Variants in OTUD7A observed in about 807,000 individuals in gnomAD.
The protein encoded by OTUD7A is OTU domain-containing protein 7A.
A neutral mutation model predicts 65.7 loss-of-function variants in OTUD7A; 12 were observed. That is an observed-to-expected ratio of 0.18 (90% CI 0.12 to 0.30). The LOEUF (loss-of-function observed/expected upper bound fraction) is 0.30. OTUD7A is among the 10% of genes least tolerant of loss of function. The pLI is 1.00. For synonymous variants in OTUD7A, 641 were observed against 586.3 expected (o/e 1.09, Z -1.35); for missense variants, 1,148 against 1,304.8 (o/e 0.88, Z 1.85).
chr15:31,730,509 C>T (rs545265973), intron 1 of OTUD7A, among the ~76,000 whole-genome samples: 1 of 152,330 alleles, frequency 6.6e-6, no homozygotes, highest in South Asian at 2.1e-4. Context: ...TGTCAACCTT[C>T]TGGCCAGCCT....
intron 1 of OTUD7A, among the ~76,000 whole-genome samples, chr15:31,859,039 A>G (rs1897651657): frequency 6.6e-6 from 1 of 152,260 alleles, no homozygotes; most frequent in South Asian, 2.1e-4. Flanking sequence ...AATCTACACA[A>G]AAGTATTTTG....
In OTUD7A at chr15:31,526,351, C is replaced by G. The variant is rs192591244; in HGVS notation, c.891G>C (p.Gly297=). 4.6e-5 allele frequency: 73 copies of G among 1,589,926 alleles called. No homozygotes were observed. Among genetic ancestry groups the G allele is most frequent in the Non-Finnish European group, 6.0e-5 (70 of 1,173,022 alleles). The part of the protein sequence containing the change: ...THFSKNGGTG[G]GVDNSEDPVY... The stretch of plus-strand genomic sequence containing the variant: ...GGGAGAGCAGGGGCAGCACTTACCC[C>G]CCGCCCGTGCCGCCATTCTTGCTGA... Residue 297 remains glycine, a splice_region_variant and synonymous_variant, in exon 8 of 13, where the codon GGG becomes GGC. Coordinates refer to ENST00000307050, the MANE Select transcript of OTUD7A (RefSeq NM_001382637.1).
intron 10 of OTUD7A, among the ~76,000 whole-genome samples, chr15:31,499,089 C>T (rs1295973708): frequency 6.6e-6 from 1 of 152,194 alleles, no homozygotes; most frequent in Non-Finnish European, 1.5e-5. Flanking sequence ...CCTCCAGGAG[C>T]TGGACACATG....
chr15:31,652,000 CAA>C (rs34951638), intron 3 of OTUD7A, among the ~76,000 whole-genome samples: 26,956 of 114,696 alleles, frequency 0.24, 2,478 homozygotes, highest in East Asian at 0.28. Flanking sequence ...CATAGAAAGG[CAA>C]AAAAAAAAAA....
At chr15:31,578,416 A>T (rs1460912833) in intron 3 of OTUD7A, among the ~76,000 whole-genome samples, 1 of 152,190 alleles carries the variant, frequency 6.6e-6, no homozygotes, top group South Asian at 2.1e-4. Context: ...TGGTCTCAAC[A>T]ACCTCTTTAT....
chr15:31,664,668 C>A (rs35012161), intron 1 of OTUD7A, among the ~76,000 whole-genome samples: 3,390 of 152,238 alleles, frequency 0.022, 66 homozygotes, highest in Non-Finnish European at 0.033. Context: ...TTAATTAAGT[C>A]CCAGCTATTT....
chr15:31,649,200 G>A (rs536446141), intron 3 of OTUD7A, among the ~76,000 whole-genome samples: 48 of 152,236 alleles, frequency 3.2e-4, no homozygotes, highest in African/African-American at 1.1e-3. Flanking sequence ...CCAGTTTTTG[G>A]CTTTGCTGTG....
At chr15:31,500,406 G>C (rs1463380805) in intron 10 of OTUD7A, among the ~76,000 whole-genome samples, 2 of 152,356 alleles carry the variant, frequency 1.3e-5, no homozygotes, top group Non-Finnish European at 2.9e-5. Flanking sequence ...CTGTGACTTG[G>C]GTTCTGCGGC....
chr15:31,489,075 T>A (rs2041281015), intron 10 of OTUD7A, among the ~76,000 whole-genome samples: 1 of 152,090 alleles, frequency 6.6e-6, no homozygotes, highest in African/African-American at 2.4e-5. Flanking sequence ...CAGGGACAGG[T>A]CTCCCTTGGG....
chr15:31,852,599 T>C (rs1164056653), intron 1 of OTUD7A, among the ~76,000 whole-genome samples: 4 of 152,208 alleles, frequency 2.6e-5, no homozygotes, highest in South Asian at 2.1e-4. Context: ...GCCTCCTCCA[T>C]ACAAAGGACC....
intron 1 of OTUD7A, among the ~76,000 whole-genome samples, chr15:31,789,751 G>A (rs1049271216): frequency 2.7e-5 from 4 of 147,388 alleles, no homozygotes; most frequent in African/African-American, 1.0e-4. Context: ...TCTCGTCCAG[G>A]CTAGAGTGCA....
chr15:31,639,654 T>C (rs1157226787), intron 3 of OTUD7A, among the ~76,000 whole-genome samples: 3 of 151,854 alleles, frequency 2.0e-5, no homozygotes, highest in African/African-American at 7.3e-5. Context: ...TTTACCAGTT[T>C]TTCCACATCC....
At chr15:31,814,725 T>C (rs1273562128) in intron 1 of OTUD7A, among the ~76,000 whole-genome samples, 3 of 152,132 alleles carry the variant, frequency 2.0e-5, no homozygotes, top group Admixed American at 6.5e-5. Flanking sequence ...GGTTTCACCA[T>C]GTTGGCCAGG....
intron 1 of OTUD7A, among the ~76,000 whole-genome samples, chr15:31,688,286 T>A (rs1217556823): frequency 6.6e-6 from 1 of 151,740 alleles, no homozygotes; most frequent in South Asian, 2.1e-4. Flanking sequence ...AACAAACTTA[T>A]CACCATGAGC....
intron 1 of OTUD7A, among the ~76,000 whole-genome samples, chr15:31,844,673 T>C (rs1897258305): frequency 6.6e-6 from 1 of 152,162 alleles, no homozygotes; most frequent in African/African-American, 2.4e-5. Context: ...CAGTAACGTG[T>C]CCCTCAAAAG....
At chr15:31,772,822 T>C (rs949376893) in intron 1 of OTUD7A, among the ~76,000 whole-genome samples, 2 of 152,232 alleles carry the variant, frequency 1.3e-5, no homozygotes, top group Non-Finnish European at 2.9e-5. Context: ...AGACGTGCTA[T>C]CTTAAATTCT....
At chr15:31,649,994 G>A (rs1215472526) in intron 3 of OTUD7A, among the ~76,000 whole-genome samples, 1 of 134,442 alleles carries the variant, frequency 7.4e-6, no homozygotes, top group Non-Finnish European at 1.5e-5. Flanking sequence ...AAGCAGGAAA[G>A]GGGTCTCTAC....
At chr15:31,717,748 A>G (rs141083403) in intron 1 of OTUD7A, among the ~76,000 whole-genome samples, 3 of 152,216 alleles carry the variant, frequency 2.0e-5, no homozygotes, top group African/African-American at 7.2e-5. Context: ...ACCTTTGGGT[A>G]TATACCCAGT....
At chr15:31,732,849 T>A (rs989897471) in intron 1 of OTUD7A, among the ~76,000 whole-genome samples, 2 of 152,238 alleles carry the variant, frequency 1.3e-5, no homozygotes, top group Non-Finnish European at 2.9e-5. Context: ...TTGGTTTCTG[T>A]GTTACTCCCC....
Sources: gnomAD v4.1 joint callset for allele counts (sites outside exome capture counted in the v4.1 genomes callset) on GRCh38, gnomAD v4.1.1 for gene constraint, MANE v1.5 for transcripts, NCBI Gene and HGNC (gene_info 2026-07-23, HGNC 2026-07-21) for gene names.